The following ANKS1B variants were observed in gnomAD, a reference collection of about 807,000 sequenced individuals.
ANKS1B encodes the protein ankyrin repeat and sterile alpha motif domain-containing protein 1B.
A neutral mutation model predicts 148.3 loss-of-function variants in ANKS1B; 36 were observed. That is an observed-to-expected ratio of 0.24 (90% confidence interval 0.19 to 0.32). ANKS1B has a LOEUF of 0.32. Among genes scored for constraint, ANKS1B ranks in the 10% least tolerant of loss-of-function variants. ANKS1B has a pLI of 1.00. For missense variants in ANKS1B, 1,157 were observed against 1,542.6 expected, an observed-to-expected ratio of 0.75 and a Z score of 4.19; for synonymous variants, 542 against 560.8, an observed-to-expected ratio of 0.97 and a Z score of 0.47.
chr12:99,422,430 T>C (rs2095117579), intron 11 of ANKS1B, among the ~76,000 whole-genome samples: 1 of 152,164 alleles, frequency 6.6e-6, no homozygotes, highest in Non-Finnish European at 1.5e-5. Flanking sequence ...TATGAAGACA[T>C]ATAACCAGGG....
intron 11 of ANKS1B, among the ~76,000 whole-genome samples, chr12:99,411,306 T>C (rs561734139): frequency 6.6e-6 from 1 of 152,342 alleles, no homozygotes; most frequent in East Asian, 1.9e-4. Flanking sequence ...GTGTGGTATT[T>C]GGTTTTCTGT....
intron 14 of ANKS1B, among the ~76,000 whole-genome samples, chr12:99,158,242 T>G (rs2076285111): frequency 6.6e-6 from 1 of 152,104 alleles, no homozygotes; most frequent in African/African-American, 2.4e-5. Flanking sequence ...TTTTATGGAG[T>G]CTTAAAATTC....
At position 99,586,707 on chromosome 12, in the gene ANKS1B, A is replaced by C. The variant is rs139006247; in HGVS notation, c.1272+68360T>G. On this transcript the variant is annotated intron_variant, in intron 9 of 26. Coordinates refer to ENST00000683438, the MANE Select transcript of ANKS1B (RefSeq NM_001352186.2). ...CAAAGGAAAGAGGTTTAACTGACTC[A>C]CAGTTCCACATGGCTGGGGAGGCCT... 8.5e-5 allele frequency among the ~76,000 whole-genome samples: 13 copies of C among 152,244 alleles called. No homozygotes were observed. In the East Asian group the frequency reaches 2.5e-3, roughly 29 times the overall value.
rs1156571446 is a variant in ANKS1B, at chr12:98,749,710, A to G, written c.3747+1645T>C. Among the ~76,000 whole-genome samples, 3 of 152,060 alleles carry G rather than the reference A, an allele frequency of 2.0e-5. No homozygotes were observed. The East Asian group carries it at 5.8e-4, about 29-fold the overall frequency. ...TGGGAAGAGCTGAGCATCACAGAGG[A>G]CTGTGGTGGGAAACTGCATTCTGGG... On this transcript the variant is annotated intron_variant, in intron 26 of 26. Coordinates refer to ENST00000683438, the MANE Select transcript of ANKS1B (RefSeq NM_001352186.2).
chr12:99,137,360 T>C (rs2068486921), intron 15 of ANKS1B, among the ~76,000 whole-genome samples: 1 of 152,162 alleles, frequency 6.6e-6, no homozygotes, highest in Non-Finnish European at 1.5e-5. Context: ...GGCCAACGAT[T>C]ACCCAGTCAG....
At chr12:99,956,639 A>T (rs1438425307) in intron 1 of ANKS1B, among the ~76,000 whole-genome samples, 1 of 152,212 alleles carries the variant, frequency 6.6e-6, no homozygotes, top group Non-Finnish European at 1.5e-5. Context: ...ATACTAGGCC[A>T]AAAGACACCA....
intron 22 of ANKS1B, among the ~76,000 whole-genome samples, chr12:98,793,144 G>A (rs570345425): frequency 6.6e-6 from 1 of 152,144 alleles, no homozygotes; most frequent in Admixed American, 6.5e-5. Context: ...TTGTCTTTTT[G>A]ATAATAGCCA....
chr12:99,173,323 A>G (rs11109750), intron 14 of ANKS1B, among the ~76,000 whole-genome samples: 18,624 of 152,112 alleles, frequency 0.12, 1,375 homozygotes, highest in South Asian at 0.24. Context: ...GCTTATTTCC[A>G]TTTTCTACTA....
intron 19 of ANKS1B, among the ~76,000 whole-genome samples, chr12:98,812,758 G>A (rs1444036647): frequency 6.6e-6 from 1 of 152,074 alleles, no homozygotes; most frequent in African/African-American, 2.4e-5. Flanking sequence ...ATTTTTAGTA[G>A]ATATGGGGTT....
chr12:99,778,284 G>A lies in ANKS1B; in HGVS notation c.847+1587C>T, dbSNP rs146050351. Among the ~76,000 whole-genome samples the A allele has an allele frequency of 6.8e-3, 1,028 of 152,116 alleles. 12 individuals carry two copies. Among genetic ancestry groups the A allele is most frequent in the African/African-American group, 0.023 (970 of 41,530 alleles). ...GCACTTTAAGAGGCCAAGGTGGCTG[G>A]ATCACCTGCGTTCAGGAGTTGGAGA... is the stretch of plus-strand genomic sequence containing the variant. On this transcript the variant is annotated intron_variant, in intron 6 of 26. Transcript: ENST00000683438.
intron 17 of ANKS1B, among the ~76,000 whole-genome samples, chr12:99,010,103 C>CA (rs1397850844): frequency 6.6e-6 from 1 of 152,160 alleles, no homozygotes; most frequent in Non-Finnish European, 1.5e-5. Context: ...CCTGGCCCAT[C>CA]ATTTGATGTT....
intron 14 of ANKS1B, among the ~76,000 whole-genome samples, chr12:99,224,260 A>C (rs1376857419): frequency 1.3e-5 from 2 of 152,200 alleles, no homozygotes; most frequent in Non-Finnish European, 2.9e-5. Context: ...GAGGTAACAG[A>C]ATAATAACTA....
chr12:99,716,659 CG>C, intron 8 of ANKS1B, among the ~76,000 whole-genome samples: 1 of 152,222 alleles, frequency 6.6e-6, no homozygotes, highest in African/African-American at 2.4e-5. Flanking sequence ...AATGGGCAAA[CG>C]GTCTGAGGTG....
At chr12:99,254,179 G>C (rs1178327351) in intron 12 of ANKS1B, among the ~76,000 whole-genome samples, 1 of 152,206 alleles carries the variant, frequency 6.6e-6, no homozygotes, top group Non-Finnish European at 1.5e-5. Context: ...AGATGCTAGT[G>C]ATGTATTAAC....
intron 17 of ANKS1B, among the ~76,000 whole-genome samples, chr12:98,946,934 T>C (rs1364832902): frequency 7.6e-6 from 1 of 131,930 alleles, no homozygotes; most frequent in Non-Finnish European, 1.6e-5. Flanking sequence ...AGCAAGATCT[T>C]TTCTCAAAAA....
chr12:99,908,237 T>C (rs2093863481), intron 1 of ANKS1B, among the ~76,000 whole-genome samples: 1 of 152,118 alleles, frequency 6.6e-6, no homozygotes, highest in African/African-American at 2.4e-5. Flanking sequence ...TATCTACTAA[T>C]ATAAGGACAA....
intron 17 of ANKS1B, among the ~76,000 whole-genome samples, chr12:99,030,036 A>G (rs946929782): frequency 2.0e-5 from 3 of 152,224 alleles, no homozygotes; most frequent in African/African-American, 7.2e-5. Context: ...ACAGTCACGA[A>G]ACCATAATGT....
At chr12:99,952,030 G>A (rs547159548) in intron 1 of ANKS1B, among the ~76,000 whole-genome samples, 2 of 152,060 alleles carry the variant, frequency 1.3e-5, no homozygotes, top group African/African-American at 4.8e-5. Context: ...TTTAAAAAAA[G>A]AAGAAAAAAG....
intron 8 of ANKS1B, among the ~76,000 whole-genome samples, chr12:99,678,506 C>T (rs1215775682): frequency 2.0e-5 from 3 of 152,098 alleles, no homozygotes; most frequent in Non-Finnish European, 4.4e-5. Context: ...GTCACAGATT[C>T]CCGGATAACC....
Sources: gnomAD v4.1 joint callset for allele counts (sites outside exome capture counted in the v4.1 genomes callset) on GRCh38, gnomAD v4.1.1 for gene constraint, MANE v1.5 for transcripts, NCBI Gene and HGNC (gene_info 2026-07-23, HGNC 2026-07-21) for gene names.